CKAP2: variants seen among roughly 807,000 people sequenced by gnomAD.
CKAP2 encodes cytoskeleton associated protein 2.
A neutral mutation model predicts 58.4 loss-of-function variants in CKAP2; 46 were observed. The ratio of observed to expected loss-of-function variants is 0.79; its 90% confidence interval spans 0.62 to 1.01. The LOEUF is 1.01. Ranked by LOEUF, CKAP2 falls within the 50% of genes least tolerant of loss-of-function variation. The pLI, the probability that CKAP2 is intolerant of heterozygous loss-of-function variation, is 0.00. For synonymous variants in CKAP2, 293 were observed against 280.9 expected (o/e 1.04, Z -0.43); for missense variants, 809 against 796.4 (o/e 1.02, Z -0.19).
chr13:52,455,913 T>A lies in CKAP2; in HGVS notation c.70+287T>A. 4 of 1,148,074 alleles carry A rather than the reference T, an allele frequency of 3.5e-6. No individual in the cohort carries two copies. The South Asian group carries it at 9.9e-5, about 28-fold the overall frequency. 71.1% of individuals were successfully genotyped at this position (1,148,074 alleles called of 1,614,324 possible). A position where few individuals can be genotyped will look rare whatever the true frequency, so the allele number is the denominator to read the frequency against. On this transcript the variant is annotated intron_variant, in intron 1 of 8. Coordinates refer to ENST00000258607, the MANE Select transcript of CKAP2 (RefSeq NM_018204.5). ...GAAACGCGCGGGCCTCAGGCCGGGG[T>A]CGGTGTCGGAGACCCTGGGTCCGCT...
At chr13:52,467,848 C>T (rs1352090918) in intron 6 of CKAP2, among the ~76,000 whole-genome samples, 6 of 148,962 alleles carry the variant, frequency 4.0e-5, no homozygotes, top group African/African-American at 7.4e-5. Context: ...CTCACTCTCT[C>T]GCCCAGGCTA....
chr13:52,461,059 C>T lies in CKAP2; in HGVS notation c.233C>T (p.Ala78Val). The T allele has an allele frequency of 6.3e-7, 1 of 1,598,768 alleles. No homozygotes were observed. Among genetic ancestry groups the T allele is most frequent in the Non-Finnish European group, 8.5e-7 (1 of 1,175,026 alleles). ...TKVLKLKTKM[A>V]DKENMKRPAE... ...ACTTTTCTTAAATAATTCTTTCAGG[C>T]TGATAAAGAAAACATGAAGAGACCT... is the stretch of plus-strand genomic sequence containing the variant. The change falls in exon 4 of 9, where the codon GCT (alanine) becomes GTT (valine). Residue 78 changes from alanine to valine, a missense_variant and splice_region_variant. Ala to Val is a moderately conservative substitution (Grantham distance 64). Around this residue, in one of 3 missense-constraint regions of CKAP2, gnomAD observed 523 missense variants for 492.4 expected, o/e 1.06. Transcript: ENST00000258607.
chr13:52,466,717 A>G (rs1292970536), intron 6 of CKAP2, among the ~76,000 whole-genome samples: 1 of 152,234 alleles, frequency 6.6e-6, no homozygotes, highest in Non-Finnish European at 1.5e-5. Flanking sequence ...GGATACCTAT[A>G]GTCTCAACTA....
intron 1 of CKAP2, chr13:52,456,073 C>T: frequency 9.8e-7 from 1 of 1,022,932 alleles, no homozygotes; most frequent in South Asian, 4.5e-5. Flanking sequence ...TCTCCTTCGA[C>T]TTTATGGAAA....
At chr13:52,459,662 A>G (rs916930176) in intron 2 of CKAP2, among the ~76,000 whole-genome samples, 3 of 151,912 alleles carry the variant, frequency 2.0e-5, no homozygotes, top group Non-Finnish European at 4.4e-5. Flanking sequence ...ACGCATTTTA[A>G]TGTGATCTCT....
rs1220496710 is a variant in CKAP2, at chr13:52,468,320, A to C, written c.1519A>C (p.Met507Leu). The change falls in exon 7 of 9, where the codon ATG becomes CTG. Residue 507 changes from methionine (M) to leucine (L), a missense_variant. This residue lies in a region of CKAP2 where 283 missense variants were observed against 287.6 expected (regional missense o/e 0.98). Transcript: ENST00000258607. Reference protein sequence around the residue: ...MRHTIVDILTMKSQEKANLGE... With the variant: ...MRHTIVDILTLKSQEKANLGE... Reference sequence around the variant, plus strand: ...ACACACGATTGTAGATATTCTAACAATGAAGAGTCAAGAAAAAGCTAATTT... The same window carrying C: ...ACACACGATTGTAGATATTCTAACACTGAAGAGTCAAGAAAAAGCTAATTT... 1 of 1,600,432 alleles carries C rather than the reference A, an allele frequency of 6.2e-7. No individual in the cohort carries two copies. The highest frequency in any genetic ancestry group is 1.1e-5 in the South Asian group (1 of 88,104).
intron 1 of CKAP2, chr13:52,456,133 A>G: frequency 1.4e-5 from 14 of 1,025,520 alleles, no homozygotes; most frequent in South Asian, 4.4e-5. Context: ...CCCTTATTCT[A>G]CACACGGGAA....
intron 5 of CKAP2, among the ~76,000 whole-genome samples, chr13:52,464,367 A>T (rs1462913235): frequency 6.6e-6 from 1 of 152,182 alleles, no homozygotes; most frequent in Non-Finnish European, 1.5e-5. Context: ...AGCCTGGCCA[A>T]CATGGTAAAA....
At chr13:52,474,806 C>T in intron 8 of CKAP2, 89 bp from the exon 9 acceptor site, 1 of 1,265,896 alleles carries the variant, frequency 7.9e-7, no homozygotes, top group African/African-American at 1.5e-5. Flanking sequence ...TTATAACATA[C>T]AAGCTATATA....
chr13:52,460,887 G>T lies in CKAP2; in HGVS notation c.156-12G>T. ...GATTGATTGATCATTTTGTTTGTTT[G>T]TTTTTAAGTAGTAGAGATCAGAGAG... is the stretch of plus-strand genomic sequence containing the variant. On this transcript the variant is annotated splice_polypyrimidine_tract_variant and intron_variant, in intron 2 of 8. Coordinates refer to ENST00000258607, the MANE Select transcript of CKAP2 (RefSeq NM_018204.5). The T allele has an allele frequency of 6.2e-7, 1 of 1,611,274 alleles. No homozygotes were observed. The highest frequency in any genetic ancestry group is 8.5e-7 in the Non-Finnish European group (1 of 1,178,730).
intron 7 of CKAP2, among the ~76,000 whole-genome samples, chr13:52,469,575 A>ATATT (rs1244874241): frequency 2.1e-4 from 31 of 149,972 alleles, no homozygotes; most frequent in Non-Finnish European, 2.7e-4. Context: ...GAATGAAATA[A>ATATT]TATTTATTTA....
rs1255947389 is a variant in CKAP2 at position 52,461,268 on chromosome 13, C to T, written c.442C>T (p.His148Tyr). 6.2e-7 allele frequency: 1 copy of T among 1,613,588 alleles called. No homozygotes were observed. Among genetic ancestry groups the T allele is most frequent in the African/African-American group, 1.3e-5 (1 of 74,970 alleles). ...SQHMTLSQAFHLKNNSKKKQM... is the reference protein window; with the variant it reads ...SQHMTLSQAFYLKNNSKKKQM... The stretch of plus-strand genomic sequence containing the variant: ...ACATATGACATTAAGCCAGGCATTT[C>T]ACCTTAAAAACAATAGTAAAAAGAA... Residue 148 changes from histidine (H) to tyrosine (Y), a missense_variant, in exon 4 of 9, where the codon CAC becomes TAC. His to Tyr is a moderately conservative substitution (Grantham distance 83). Transcript: ENST00000258607.
intron 1 of CKAP2, chr13:52,456,099 G>A (rs1040979822): frequency 9.8e-7 from 1 of 1,018,110 alleles, no homozygotes; most frequent in African/African-American, 1.7e-5. Flanking sequence ...GGTTGGTTGG[G>A]TCTTCAAAAC....
At position 52,461,439 on chromosome 13, in the gene CKAP2, A is replaced by G. The variant is rs1424048702; in HGVS notation, c.613A>G (p.Lys205Glu). Residue 205 changes from lysine (K) to glutamate (E), a missense_variant, in exon 4 of 9, where the codon AAG becomes GAG. Lys to Glu is a moderately conservative substitution (Grantham distance 56). This residue lies in a region of CKAP2 where 523 missense variants were observed against 492.4 expected (regional missense o/e 1.06). Transcript: ENST00000258607. ...CAAAGATGAGAGTTCTGCAGCAACA[A>G]AGAAACTTTCAGCCACTATACCTAA... is the stretch of plus-strand genomic sequence containing the variant. ...QVKDESSAAT[K>E]KLSATIPKAT... 2.5e-6 allele frequency: 4 copies of G among 1,614,202 alleles called. No individual in the cohort carries two copies.
At chr13:52,458,856 T>C (rs1038933058) in intron 2 of CKAP2, among the ~76,000 whole-genome samples, 13 of 143,646 alleles carry the variant, frequency 9.1e-5, no homozygotes, top group African/African-American at 3.2e-4. Context: ...AGACTTTGTC[T>C]CAAAAAAAAA....
At chr13:52,468,387 G>GTT in intron 7 of CKAP2, 40 bp downstream of exon 7, 7 of 1,182,732 alleles carry the variant, frequency 5.9e-6, no homozygotes, top group South Asian at 1.4e-5. Flanking sequence ...GTGAACTGTA[G>GTT]TTTTTTTTTG....
At chr13:52,455,711 G>A (rs942063232) in intron 1 of CKAP2, 85 bp downstream of exon 1, 27 of 1,343,250 alleles carry the variant, frequency 2.0e-5, no homozygotes, top group Non-Finnish European at 2.5e-5. Context: ...GGGCCGCGCT[G>A]GCGCGCTTCA....
intron 7 of CKAP2, 70 bp downstream of exon 7, chr13:52,468,417 A>G (rs917481267): frequency 1.1e-5 from 10 of 948,918 alleles, no homozygotes; most frequent in African/African-American, 1.0e-4. Flanking sequence ...TTTAACTTTT[A>G]TTTTAAGATC....
chr13:52,455,991 C>T lies in CKAP2; in HGVS notation c.70+365C>T, dbSNP rs138324939. ...ACCGACTGCGCCTGCGCTGGGTCCT[C>T]CGCCTCTTAGGTCCCTAGCGAATTT... On this transcript the variant is annotated intron_variant, in intron 1 of 8. Coordinates refer to ENST00000258607, the MANE Select transcript of CKAP2 (RefSeq NM_018204.5). 6,028 of 1,081,424 alleles carry T rather than the reference C, an allele frequency of 5.6e-3. 24 individuals are homozygous for T. The highest frequency in any genetic ancestry group is 6.7e-3 in the Admixed American group (126 of 18,674). The allele number at this position is 1,081,424 out of a possible 1,614,324, so 67.0% of individuals were successfully genotyped here.
Sources: gnomAD v4.1 joint callset for allele counts (sites outside exome capture counted in the v4.1 genomes callset) on GRCh38, gnomAD v4.1.1 for gene constraint, gnomAD v4.1.1 regional missense constraint, MANE v1.5 for transcripts, NCBI Gene and HGNC (gene_info 2026-07-23, HGNC 2026-07-21) for gene names.